Variants in PAK2 observed in about 807,000 individuals in gnomAD.
PAK2 encodes serine/threonine-protein kinase PAK 2.
PAK2 carries 21 observed loss-of-function variants against 65.9 expected under a neutral mutation model. The ratio of observed to expected loss-of-function variants is 0.32; its 90% CI spans 0.23 to 0.46. The LOEUF (loss-of-function observed/expected upper bound fraction) is 0.46. Among genes scored for constraint, PAK2 ranks in the 20% least tolerant of loss-of-function variants. The pLI is 1.00. For synonymous variants in PAK2, 204 were observed against 219.7 expected (o/e 0.93, Z 0.63); for missense variants, 324 against 642.6 (o/e 0.50, Z 5.36).
rs111479984 is a variant in PAK2, at chr3:196,815,785, CA to C, written c.1053+1229del. On this transcript the variant is annotated intron_variant, in intron 11 of 14. Coordinates refer to ENST00000327134, the MANE Select transcript of PAK2 (RefSeq NM_002577.4). ...CTGGCGACAGAGCAAGACTCCGTCT[CA>C]AAAAAAAAAAAGAGAAAGAAATACG... Among the ~76,000 whole-genome samples, 953 of 131,566 alleles carry C rather than the reference CA, an allele frequency of 7.2e-3. 11 individuals are homozygous for C. Among genetic ancestry groups the C allele is most frequent in the African/African-American group, 0.02 (723 of 35,772 alleles). 86.3% of individuals were successfully genotyped at this position (131,566 alleles called of 152,430 possible).
chr3:196,766,337 G>C (rs540087695), intron 1 of PAK2, among the ~76,000 whole-genome samples: 1 of 151,974 alleles, frequency 6.6e-6, no homozygotes, highest in South Asian at 2.1e-4. Flanking sequence ...CTAATAACCC[G>C]GTCATAATCT....
intron 12 of PAK2, among the ~76,000 whole-genome samples, chr3:196,819,539 T>G (rs1711585985): frequency 6.6e-6 from 1 of 152,228 alleles, no homozygotes; most frequent in South Asian, 2.1e-4. Flanking sequence ...GTATCCTGAT[T>G]GGTAATACAA....
chr3:196,783,463 T>A (rs923814914), intron 2 of PAK2, among the ~76,000 whole-genome samples: 2 of 151,608 alleles, frequency 1.3e-5, no homozygotes, highest in African/African-American at 4.8e-5. Context: ...GTGCCTGTAA[T>A]CCCAGCTACT....
chr3:196,797,860 A>G (rs1715306504), intron 2 of PAK2, among the ~76,000 whole-genome samples: 1 of 152,228 alleles, frequency 6.6e-6, no homozygotes, highest in Admixed American at 6.5e-5. Context: ...AAATATTTGG[A>G]AAGTAAAGAA....
intron 1 of PAK2, among the ~76,000 whole-genome samples, chr3:196,778,697 C>G (rs1051726974): frequency 1.3e-5 from 2 of 152,190 alleles, no homozygotes; most frequent in Non-Finnish European, 2.9e-5. Flanking sequence ...TTTTCTGTTC[C>G]AGGATCCAAT....
In PAK2 at chr3:196,771,086, A is replaced by C. The variant is rs181252552; in HGVS notation, c.-21-11540A>C. Among the ~76,000 whole-genome samples, 275 of 152,038 alleles carry C rather than the reference A, an allele frequency of 1.8e-3. 4 individuals carry two copies. Among genetic ancestry groups the C allele is most frequent in the Non-Finnish European group, 4.9e-4 (33 of 68,004 alleles). On this transcript the variant is annotated intron_variant, in intron 1 of 14. Transcript: ENST00000327134. ...TGTTATTTTAAACTTAATTGACTTTAAGAGTGTGTAGTGATTCTGGTCTTT... is the reference window on the plus strand; with the variant it reads ...TGTTATTTTAAACTTAATTGACTTTCAGAGTGTGTAGTGATTCTGGTCTTT...
At chr3:196,779,952 C>T (rs560511755) in intron 1 of PAK2, among the ~76,000 whole-genome samples, 47 of 152,340 alleles carry the variant, frequency 3.1e-4, no homozygotes, top group East Asian at 2.7e-3. Context: ...TGAGCCACCG[C>T]GCCCAGCCGC....
intron 1 of PAK2, among the ~76,000 whole-genome samples, chr3:196,751,791 G>T: frequency 7.9e-6 from 1 of 126,636 alleles, no homozygotes; most frequent in South Asian, 2.5e-4. Context: ...TGCCCAGGTT[G>T]GAGTACAATG....
intron 1 of PAK2, among the ~76,000 whole-genome samples, chr3:196,778,680 G>A (rs1714613664): frequency 6.6e-6 from 1 of 152,176 alleles, no homozygotes; most frequent in African/African-American, 2.4e-5. Context: ...TGTTTCACCA[G>A]TGCCCCTTTT....
intron 4 of PAK2, 57 bp downstream of exon 4, chr3:196,803,221 A>G: frequency 7.5e-7 from 1 of 1,332,812 alleles, no homozygotes; most frequent in South Asian, 1.4e-5. Flanking sequence ...CTTCTAGATA[A>G]AAAGATTACT....
In PAK2 at chr3:196,818,532, A is replaced by C. The variant is rs546053414; in HGVS notation, c.1153+376A>C. Among the ~76,000 whole-genome samples the C allele has an allele frequency of 2.6e-5, 4 of 152,154 alleles. No individual in the cohort carries two copies. In the East Asian group the frequency reaches 7.7e-4, roughly 29 times the overall value. Reference sequence around the variant, plus strand: ...CAGGTGTGCACCACCACACCCAGCTAATTTTTGTGTTTTTAGTAAAGACGG... The same window carrying C: ...CAGGTGTGCACCACCACACCCAGCTCATTTTTGTGTTTTTAGTAAAGACGG... On this transcript the variant is annotated intron_variant, in intron 12 of 14. Coordinates refer to ENST00000327134, the MANE Select transcript of PAK2 (RefSeq NM_002577.4).
intron 1 of PAK2, among the ~76,000 whole-genome samples, chr3:196,769,863 G>A (rs191626979): frequency 4.9e-4 from 75 of 152,060 alleles, no homozygotes; most frequent in Middle Eastern, 3.4e-3. Context: ...CCATTAAGCC[G>A]TAACTCTGCA....
At chr3:196,785,371 C>T (rs969978445) in intron 2 of PAK2, among the ~76,000 whole-genome samples, 1 of 152,168 alleles carries the variant, frequency 6.6e-6, no homozygotes, top group African/African-American at 2.4e-5. Flanking sequence ...TGCTGGGTTA[C>T]AGGCTGTTCC....
At chr3:196,789,283 C>G (rs753486317) in intron 2 of PAK2, among the ~76,000 whole-genome samples, 14 of 152,148 alleles carry the variant, frequency 9.2e-5, no homozygotes, top group Admixed American at 5.2e-4. Flanking sequence ...GCAATTTTCA[C>G]ATCTAGCTAT....
chr3:196,758,437 C>G (rs529922273), intron 1 of PAK2, among the ~76,000 whole-genome samples: 3 of 152,216 alleles, frequency 2.0e-5, no homozygotes, highest in African/African-American at 7.2e-5. Context: ...CGACACGTCC[C>G]GTGTCCGGGG....
At chr3:196,821,890 C>G (rs1456774715) in intron 13 of PAK2, among the ~76,000 whole-genome samples, 2 of 152,184 alleles carry the variant, frequency 1.3e-5, no homozygotes, top group Admixed American at 6.6e-5. Context: ...AACCTTCATG[C>G]AGCCACAGAA....
At chr3:196,800,971 G>C (rs764344870) in intron 2 of PAK2, among the ~76,000 whole-genome samples, 1 of 152,222 alleles carries the variant, frequency 6.6e-6, no homozygotes, top group South Asian at 2.1e-4. Flanking sequence ...TGAGAGGGAG[G>C]GGGTAGGGGG....
At chr3:196,754,805 A>G (rs1428903296) in intron 1 of PAK2, among the ~76,000 whole-genome samples, 1 of 152,156 alleles carries the variant, frequency 6.6e-6, no homozygotes, top group Non-Finnish European at 1.5e-5. Context: ...ATCTCCCTGA[A>G]TGTATGTTGA....
At chr3:196,818,855 TAATA>T (rs1425650118) in intron 12 of PAK2, among the ~76,000 whole-genome samples, 2 of 152,138 alleles carry the variant, frequency 1.3e-5, no homozygotes, top group Admixed American at 6.6e-5. Context: ...ATAATTGTAA[TAATA>T]AATGTACCTT....
Sources: allele counts gnomAD v4.1 joint callset (sites outside exome capture counted in the v4.1 genomes callset), GRCh38; gene constraint gnomAD v4.1.1; transcripts MANE v1.5; gene names NCBI Gene and HGNC (gene_info 2026-07-23, HGNC 2026-07-21).